The following SLC17A8 variants were observed in gnomAD, a reference collection of about 807,000 sequenced individuals.
The protein encoded by SLC17A8 is vesicular glutamate transporter 3.
Under a neutral mutation model 58.0 loss-of-function variants are expected in SLC17A8, and 31 were observed. The observed-to-expected ratio is 0.53, with a 90% confidence interval of 0.40 to 0.72. The LOEUF is 0.72. SLC17A8 is among the 30% of genes least tolerant of loss of function. SLC17A8 has a pLI of 0.00. For synonymous variants in SLC17A8, 228 were observed against 249.0 expected (o/e 0.92, Z 0.79); for missense variants, 655 against 727.8 (o/e 0.90, Z 1.15).
At chr12:100,406,898 G>C (rs1044325465) in intron 9 of SLC17A8, among the ~76,000 whole-genome samples, 1 of 152,172 alleles carries the variant, frequency 6.6e-6, no homozygotes, top group African/African-American at 2.4e-5. Flanking sequence ...AGGGAGACCA[G>C]GTAGGAGGTG....
chr12:100,372,761 C>G (rs1435656115), intron 1 of SLC17A8, among the ~76,000 whole-genome samples: 1 of 152,048 alleles, frequency 6.6e-6, no homozygotes, highest in Non-Finnish European at 1.5e-5. Context: ...GATAGGCTCT[C>G]TCTATATTGC....
chr12:100,420,102 T>G lies in SLC17A8; in HGVS notation c.1713T>G (p.Asp571Glu). The change falls in exon 12 of 12, where the codon GAT (aspartate) becomes GAG (glutamate). Residue 571 changes from aspartate (D) to glutamate (E), a missense_variant. Asp to Glu is a conservative substitution (Grantham distance 45). Transcript: ENST00000323346. ...AAGGACAGAGAGGAGCGACCCTTGA[T>G]GAGGAAGAGCTGACATCCTACCAGA... Reference protein sequence around the residue: ...EWKGQRGATLDEEELTSYQNE... With the variant: ...EWKGQRGATLEEEELTSYQNE... 1 of 1,614,068 alleles carries G rather than the reference T, an allele frequency of 6.2e-7. No homozygotes were observed. The highest frequency in any genetic ancestry group is 8.5e-7 in the Non-Finnish European group (1 of 1,179,970).
chr12:100,384,777 G>T (rs554157346), intron 2 of SLC17A8, among the ~76,000 whole-genome samples: 2 of 152,172 alleles, frequency 1.3e-5, no homozygotes, highest in Admixed American at 1.3e-4. Flanking sequence ...TTCTGAGGCC[G>T]CAGGACAGGC....
At chr12:100,410,862 G>A (rs1952862688) in intron 9 of SLC17A8, among the ~76,000 whole-genome samples, 1 of 152,112 alleles carries the variant, frequency 6.6e-6, no homozygotes. Context: ...TCGGACTTCT[G>A]GCTATCATTT....
intron 10 of SLC17A8, 29 bp from the exon 11 acceptor site, chr12:100,418,000 C>A: frequency 6.2e-7 from 1 of 1,614,124 alleles, no homozygotes; most frequent in African/African-American, 1.3e-5. Flanking sequence ...GTTCTTGACT[C>A]TGATTTTGAG....
At chr12:100,416,838 T>C (rs1380202291) in intron 10 of SLC17A8, among the ~76,000 whole-genome samples, 1 of 152,186 alleles carries the variant, frequency 6.6e-6, no homozygotes, top group East Asian at 1.9e-4. Context: ...AGAATCGTTA[T>C]CCCGTTATGT....
intron 9 of SLC17A8, 137 bp from the exon 10 acceptor site, chr12:100,412,632 GT>G (rs1389532521): frequency 5.8e-6 from 3 of 514,838 alleles, no homozygotes; most frequent in Middle Eastern, 4.0e-4. Context: ...AGAACTTAAA[GT>G]AAAAAAAAAA....
intron 10 of SLC17A8, 124 bp downstream of exon 10, chr12:100,413,004 C>T (rs1356420583): frequency 1.3e-6 from 1 of 796,524 alleles, no homozygotes; most frequent in Non-Finnish European, 2.2e-6. Flanking sequence ...AGCAGGACCA[C>T]CGTCCAGAGA....
chr12:100,395,546 G>A (rs973421297), intron 4 of SLC17A8, among the ~76,000 whole-genome samples: 2 of 152,010 alleles, frequency 1.3e-5, no homozygotes, highest in East Asian at 1.9e-4. Flanking sequence ...GGCTGGTCTC[G>A]AACTCCTGAC....
At chr12:100,377,562 C>T (rs1784990871) in intron 1 of SLC17A8, among the ~76,000 whole-genome samples, 1 of 138,302 alleles carries the variant, frequency 7.2e-6, no homozygotes, top group Non-Finnish European at 1.5e-5. Flanking sequence ...TCCAAGATGG[C>T]TTCAAGATAT....
intron 9 of SLC17A8, among the ~76,000 whole-genome samples, chr12:100,411,605 A>AT (rs1303893369): frequency 6.6e-6 from 1 of 152,214 alleles, no homozygotes; most frequent in Non-Finnish European, 1.5e-5. Flanking sequence ...CAGTCTCCAA[A>AT]TGAAGCACCA....
chr12:100,385,602 T>G (rs1338987421), intron 2 of SLC17A8, among the ~76,000 whole-genome samples: 2 of 152,236 alleles, frequency 1.3e-5, no homozygotes, highest in African/African-American at 4.8e-5. Context: ...AATCCCATGT[T>G]GCGGGGGAAG....
intron 1 of SLC17A8, among the ~76,000 whole-genome samples, chr12:100,370,903 G>A (rs1952554698): frequency 6.6e-6 from 1 of 152,180 alleles, no homozygotes; most frequent in Non-Finnish European, 1.5e-5. Flanking sequence ...TGGGCTGAGT[G>A]CTAGGGATTT....
intron 2 of SLC17A8, among the ~76,000 whole-genome samples, chr12:100,383,882 T>A (rs1952654864): frequency 6.6e-6 from 1 of 152,068 alleles, no homozygotes; most frequent in Admixed American, 6.6e-5. Context: ...AAAAAAAATT[T>A]TTTTTAGAGA....
chr12:100,409,218 C>G (rs1486929380), intron 9 of SLC17A8, among the ~76,000 whole-genome samples: 1 of 152,064 alleles, frequency 6.6e-6, no homozygotes, highest in Non-Finnish European at 1.5e-5. Context: ...CAGAGTCTCA[C>G]TCTGTTGCCC....
In SLC17A8 at chr12:100,357,477, T is replaced by C. The variant is rs761519829; in HGVS notation, c.86T>C (p.Leu29Ser). ...EGVKNAVGDS[L>S]GILQRKIDGT... ...GTGAAGAACGCCGTGGGAGATTCTTTGGGAATTTTACAAAGGTAAAGTTTG... is the reference window on the plus strand; with the variant it reads ...GTGAAGAACGCCGTGGGAGATTCTTCGGGAATTTTACAAAGGTAAAGTTTG... The change falls in exon 1 of 12, where the codon TTG (leucine) becomes TCG (serine). Residue 29 changes from leucine to serine, a missense_variant. By Grantham distance (145) the Leu-to-Ser change is moderately radical. Coordinates refer to ENST00000323346, the MANE Select transcript of SLC17A8 (RefSeq NM_139319.3). The C allele has an allele frequency of 6.2e-7, 1 of 1,612,496 alleles. No homozygotes were observed. The highest frequency in any genetic ancestry group is 1.1e-5 in the South Asian group (1 of 91,064).
intron 2 of SLC17A8, among the ~76,000 whole-genome samples, chr12:100,387,362 G>T (rs921714261): frequency 6.6e-6 from 1 of 152,122 alleles, no homozygotes; most frequent in South Asian, 2.1e-4. Flanking sequence ...GACATTGACC[G>T]CCTCTTCATG....
At chr12:100,359,620 G>A (rs1380648027) in intron 1 of SLC17A8, among the ~76,000 whole-genome samples, 2 of 152,126 alleles carry the variant, frequency 1.3e-5, no homozygotes, top group Non-Finnish European at 2.9e-5. Context: ...CCTTTTTTCA[G>A]TGATCTATAG....
chr12:100,372,531 A>T (rs192315802), intron 1 of SLC17A8, among the ~76,000 whole-genome samples: 1 of 152,160 alleles, frequency 6.6e-6, no homozygotes, highest in East Asian at 1.9e-4. Context: ...TCCTCTTCTT[A>T]TAAGGACATT....
Sources: allele counts gnomAD v4.1 joint callset (sites outside exome capture counted in the v4.1 genomes callset), GRCh38; gene constraint gnomAD v4.1.1; transcripts MANE v1.5; gene names NCBI Gene and HGNC (gene_info 2026-07-23, HGNC 2026-07-21).